HAGH: variants seen among roughly 807,000 people sequenced by gnomAD.
The protein encoded by HAGH is hydroxyacylglutathione hydrolase.
A neutral mutation model predicts 35.1 loss-of-function variants in HAGH; 29 were observed. That is an observed-to-expected ratio of 0.83 (90% CI 0.62 to 1.13). HAGH has a LOEUF of 1.13. HAGH is among the 50% of genes most tolerant of loss of function. The probability of loss-of-function intolerance (pLI) is 0.00; values close to 1 mark genes in which losing one functional copy is unlikely to be tolerated. For missense variants in HAGH, 478 were observed against 419.6 expected (o/e 1.14, Z -1.22); for synonymous variants, 225 against 176.1 (o/e 1.28, Z -2.20).
At chr16:1,809,665 T>G in intron 8 of HAGH, 89 bp downstream of exon 8, 1 of 961,858 alleles carries the variant, frequency 1.0e-6, no homozygotes, top group Non-Finnish European at 1.7e-6. Context: ...GCCTCAGCCA[T>G]CTGGGGTCTC....
At chr16:1,814,948 CACACACACAT>C (rs1703020268) in intron 7 of HAGH, among the ~76,000 whole-genome samples, 3 of 150,130 alleles carry the variant, frequency 2.0e-5, no homozygotes, top group East Asian at 2.1e-4. Context: ...CACACACACA[CACACACACAT>C]ATATATATAT....
intron 5 of HAGH, among the ~76,000 whole-genome samples, chr16:1,817,890 G>A (rs755002792): frequency 6.6e-6 from 1 of 152,240 alleles, no homozygotes; most frequent in Non-Finnish European, 1.5e-5. Flanking sequence ...CAGAAACAGG[G>A]CAGTCCCCTG....
intron 2 of HAGH, 133 bp downstream of exon 2, chr16:1,822,730 AAC>A (rs1335784831): frequency 2.7e-6 from 2 of 741,506 alleles, no homozygotes; most frequent in Non-Finnish European, 4.6e-6. Flanking sequence ...GAGCCCTGTT[AAC>A]AGAGTGGCCG....
intron 1 of HAGH, among the ~76,000 whole-genome samples, chr16:1,823,263 CT>C (rs372390749): frequency 3.7e-5 from 5 of 134,332 alleles, no homozygotes; most frequent in South Asian, 4.7e-4. Flanking sequence ...AAGACCTTGT[CT>C]TTTTTTTTTT....
At chr16:1,819,072 CT>C in intron 5 of HAGH, 42 bp downstream of exon 5, 1 of 1,234,064 alleles carries the variant, frequency 8.1e-7, no homozygotes, top group Non-Finnish European at 1.2e-6. Context: ...GACACAGGGT[CT>C]TCACGAAGAA....
intron 7 of HAGH, among the ~76,000 whole-genome samples, 162 bp downstream of exon 7, chr16:1,816,731 C>A (rs1446307516): frequency 2.0e-5 from 3 of 152,222 alleles, no homozygotes; most frequent in Admixed American, 2.0e-4. Context: ...CCATAGAACC[C>A]CTGGGTTTGC....
At chr16:1,820,061 CTGCCTGCTGAGCTGAGGG>C in intron 3 of HAGH, 47 bp from the exon 4 acceptor site, 1 of 1,078,446 alleles carries the variant, frequency 9.3e-7, no homozygotes, top group South Asian at 1.3e-5. Context: ...GCTGAGGGGG[CTGCCTGCTGAGCTGAGGG>C]GGCTGCCTGC....
chr16:1,813,899 T>C (rs778244767), intron 7 of HAGH, among the ~76,000 whole-genome samples: 1 of 152,076 alleles, frequency 6.6e-6, no homozygotes, highest in Non-Finnish European at 1.5e-5. Context: ...GACTCGGGCA[T>C]AGAGGGCCCA....
At position 1,822,372 on chromosome 16, in the gene HAGH, G is replaced by A. The variant is rs1898193967; in HGVS notation, c.250-8C>T. 1 of 1,605,594 alleles carries A rather than the reference G, an allele frequency of 6.2e-7. No individual in the cohort carries two copies. Among genetic ancestry groups the A allele is most frequent in the Non-Finnish European group, 8.5e-7 (1 of 1,174,366 alleles). On this transcript the variant is annotated splice_region_variant and splice_polypyrimidine_tract_variant and intron_variant, in intron 2 of 8. Coordinates refer to ENST00000397356, the MANE Select transcript of HAGH (RefSeq NM_005326.6). ...TCTCGCCGCGTCCACGACCTGCAGTGGCCCCGGGGAAGGACAAAGGCCTGT... is the reference window on the plus strand; with the variant it reads ...TCTCGCCGCGTCCACGACCTGCAGTAGCCCCGGGGAAGGACAAAGGCCTGT...
At chr16:1,820,391 C>G (rs1387972902) in intron 3 of HAGH, among the ~76,000 whole-genome samples, 2 of 141,614 alleles carry the variant, frequency 1.4e-5, no homozygotes, top group Non-Finnish European at 1.5e-5. Flanking sequence ...GGGTCCAGGG[C>G]ATGGCCTGGG....
chr16:1,825,078 G>C (rs3760035), intron 1 of HAGH, among the ~76,000 whole-genome samples: 9,546 of 152,304 alleles, frequency 0.063, 319 homozygotes, highest in East Asian at 0.12. Flanking sequence ...CAGCACTTTG[G>C]GAGGCCGAGG....
Position 1,822,367 on chromosome 16 carries a change from G to A in HAGH, c.250-3C>T. 6.2e-7 allele frequency: 1 copy of A among 1,607,286 alleles called. No individual in the cohort carries two copies. ...TGCTTTCTCGCCGCGTCCACGACCTGCAGTGGCCCCGGGGAAGGACAAAGG... is the reference window on the plus strand; with the variant it reads ...TGCTTTCTCGCCGCGTCCACGACCTACAGTGGCCCCGGGGAAGGACAAAGG... On this transcript the variant is annotated splice_region_variant and splice_polypyrimidine_tract_variant and intron_variant, in intron 2 of 8. Transcript: ENST00000397356.
At chr16:1,826,988 G>A, upstream of HAGH, 2 of 639,344 alleles carry the variant, frequency 3.1e-6, no homozygotes. Flanking sequence ...AGACGGGCCT[G>A]GGAGCGGCGG....
chr16:1,821,952 GTT>G (rs1167899761), intron 3 of HAGH: 126 of 105,186 alleles, frequency 1.2e-3, no homozygotes, highest in East Asian at 6.0e-3. Context: ...TTGTTTTTTT[GTT>G]TTTTTTTTTT....
rs1898230488 is a variant in HAGH, at chr16:1,823,119, C to T, written c.77-82G>A. ...CGCGCAAGCTGCAGTGCTTCCCAGC[C>T]TTTCTAGGTTCCTTTGAAAAGGAAT... is the stretch of plus-strand genomic sequence containing the variant. On this transcript the variant is annotated intron_variant, in intron 1 of 8. Coordinates refer to ENST00000397356, the MANE Select transcript of HAGH (RefSeq NM_005326.6). 8.2e-6 allele frequency: 10 copies of T among 1,212,976 alleles called. No individual in the cohort carries two copies. The South Asian group carries it at 1.1e-4, about 14-fold the overall frequency. The allele number at this position is 1,212,976 out of a possible 1,614,324, so 75.1% of individuals were successfully genotyped here. A position where few individuals can be genotyped will look rare whatever the true frequency, so the allele number is the denominator to read the frequency against.
At chr16:1,823,605 T>A (rs1222074109) in intron 1 of HAGH, among the ~76,000 whole-genome samples, 1 of 151,196 alleles carries the variant, frequency 6.6e-6, no homozygotes, top group Non-Finnish European at 1.5e-5. Context: ...TAGCCAGGCA[T>A]GGTGGTGCAT....
intron 5 of HAGH, 38 bp downstream of exon 5, chr16:1,819,077 C>G (rs77870008): frequency 7.6e-7 from 1 of 1,319,764 alleles, no homozygotes. Context: ...AGGGTCTTCA[C>G]GAAGAACCCC....
chr16:1,809,728 CG>C, intron 8 of HAGH, 25 bp downstream of exon 8: 1 of 1,529,060 alleles, frequency 6.5e-7, no homozygotes, highest in Non-Finnish European at 9.1e-7. Context: ...GAGGGGCCCG[CG>C]CCCACCACCT....
chr16:1,816,993 C>A lies in HAGH; in HGVS notation c.647G>T (p.Arg216Ile). The A allele has an allele frequency of 2.5e-6, 4 of 1,605,248 alleles. No homozygotes were observed. The highest frequency in any genetic ancestry group is 2.6e-6 in the Non-Finnish European group (3 of 1,171,850). ...EVLGRLPPDTRVYCGHEYTIN... is the reference protein window; with the variant it reads ...EVLGRLPPDTIVYCGHEYTIN... The stretch of plus-strand genomic sequence containing the variant: ...GGTGTACTCGTGGCCACAGTAGACT[C>A]TCTGAGGAGAGAGGTGACAGGTGAG... Residue 216 changes from arginine (R) to isoleucine (I), a missense_variant and splice_region_variant, in exon 7 of 9, where the codon AGA becomes ATA. Transcript: ENST00000397356.
Sources: allele counts gnomAD v4.1 joint callset (sites outside exome capture counted in the v4.1 genomes callset), GRCh38; gene constraint gnomAD v4.1.1; transcripts MANE v1.5; gene names NCBI Gene and HGNC (gene_info 2026-07-23, HGNC 2026-07-21).